The following MYT1 variants were observed in gnomAD, a reference collection of about 807,000 sequenced individuals.
MYT1 encodes the protein myelin transcription factor 1, also known as myelin transcription factor I.
Under a neutral mutation model 123.0 loss-of-function variants are expected in MYT1, and 23 were observed. The ratio of observed to expected loss-of-function variants is 0.19; its 90% confidence interval spans 0.13 to 0.26. The LOEUF is 0.26. Among genes scored for constraint, MYT1 ranks in the 10% least tolerant of loss-of-function variants. MYT1 has a pLI of 1.00. For synonymous variants in MYT1, 518 were observed against 575.3 expected (o/e 0.90, Z 1.43); for missense variants, 1,125 against 1,472.5 (o/e 0.76, Z 3.86).
intron 1 of MYT1, among the ~76,000 whole-genome samples, chr20:64,182,025 G>A (rs7266666): frequency 2.0e-4 from 31 of 152,308 alleles, no homozygotes; most frequent in South Asian, 6.2e-4. Context: ...GACTGGTTTC[G>A]TGTGGGCCTT....
intron 4 of MYT1, among the ~76,000 whole-genome samples, chr20:64,201,900 T>C (rs74181503): frequency 0.033 from 3,774 of 114,492 alleles, 127 homozygotes; most frequent in Middle Eastern, 0.082. Flanking sequence ...GGAACCCCCG[T>C]GTGTCGGGAA....
rs1367592949 is a variant in MYT1 at position 64,168,354 on chromosome 20, T to A, written c.-99+3615T>A. 6.6e-6 allele frequency among the ~76,000 whole-genome samples: 1 copy of A among 152,386 alleles called. No homozygotes were observed. The highest frequency in any genetic ancestry group is 1.9e-4 in the East Asian group (1 of 5,196). On this transcript the variant is annotated intron_variant, in intron 1 of 22. Coordinates refer to ENST00000328439, the MANE Select transcript of MYT1 (RefSeq NM_004535.3). This position sits in a 1 kb window ranked among gnomAD's most constrained non-coding sequence, Gnocchi z 6.1. ...TGGAGTCTTTTCTCCCCAGGGTTAA[T>A]GCCATTAGGAGCGTTCCTTGTGGGA...
intron 14 of MYT1, among the ~76,000 whole-genome samples, chr20:64,222,557 G>T (rs2145725848): frequency 6.6e-6 from 1 of 152,374 alleles, no homozygotes; most frequent in East Asian, 1.9e-4. Flanking sequence ...GTTGCTGATG[G>T]ATATGAATCA....
rs771248689 is a variant in MYT1 at position 64,186,674 on chromosome 20, C to G, written c.-98-3389C>G. ...TGTGTGAGCTTTGGGGACCCTTGTT[C>G]CCACCACAGAGTGTCCATGGAGCAG... On this transcript the variant is annotated intron_variant, in intron 1 of 22. Transcript: ENST00000328439. The surrounding 1 kb of genome is among the most constrained non-coding windows in gnomAD (Gnocchi z 4.3). Among the ~76,000 whole-genome samples the G allele has an allele frequency of 1.3e-5, 2 of 152,382 alleles. No individual in the cohort carries two copies. Among genetic ancestry groups the G allele is most frequent in the African/African-American group, 2.4e-5 (1 of 41,592 alleles).
intron 10 of MYT1, among the ~76,000 whole-genome samples, chr20:64,215,858 G>T (rs1273275719): frequency 1.3e-5 from 2 of 151,430 alleles, no homozygotes; most frequent in East Asian, 3.9e-4. Flanking sequence ...GCCTCCAAAA[G>T]TGCTTGGATT....
At chr20:64,238,989 C>G (rs1984634817) in intron 21 of MYT1, among the ~76,000 whole-genome samples, 1 of 152,214 alleles carries the variant, frequency 6.6e-6, no homozygotes, top group African/African-American at 2.4e-5. Context: ...AAGAAGCGTG[C>G]TTGACCCCAT....
chr20:64,170,866 TATATATATATATATATATAGAG>T (rs1982236490), intron 1 of MYT1, among the ~76,000 whole-genome samples: 1 of 57,126 alleles, frequency 1.8e-5, no homozygotes. Flanking sequence ...TATATATATA[TATATATATATATATATATAGAG>T]AGAGAGAGAG....
intron 19 of MYT1, among the ~76,000 whole-genome samples, chr20:64,233,908 T>C (rs1483205977): frequency 1.3e-5 from 2 of 152,092 alleles, no homozygotes; most frequent in Non-Finnish European, 2.9e-5. Flanking sequence ...GGTAGAAAGT[T>C]CTAAGCCAGG....
intron 6 of MYT1, 44 bp from the exon 7 acceptor site, chr20:64,207,550 C>T (rs1484015290): frequency 6.3e-7 from 1 of 1,581,332 alleles, no homozygotes; most frequent in Non-Finnish European, 8.6e-7. Flanking sequence ...CTGGAGTCTT[C>T]CCACGTGCTC....
At chr20:64,207,493 G>C in intron 6 of MYT1, 101 bp from the exon 7 acceptor site, 3 of 1,529,278 alleles carry the variant, frequency 2.0e-6, no homozygotes, top group Non-Finnish European at 2.6e-6. Flanking sequence ...TAAAGAGTGA[G>C]TGGTAGGTCA....
At chr20:64,236,044 A>C (rs1397942913) in intron 19 of MYT1, among the ~76,000 whole-genome samples, 38 of 30,702 alleles carry the variant, frequency 1.2e-3, no homozygotes, top group Middle Eastern at 0.045. Context: ...TGACCCTGGG[A>C]TGGTCGCGGT....
At chr20:64,171,031 T>C (rs1982262925) in intron 1 of MYT1, among the ~76,000 whole-genome samples, 1 of 150,520 alleles carries the variant, frequency 6.6e-6, no homozygotes, top group Non-Finnish European at 1.5e-5. Context: ...TGCCTCAGTC[T>C]CCCAAGTAGC....
At chr20:64,170,595 A>G (rs1486730335) in intron 1 of MYT1, among the ~76,000 whole-genome samples, 1 of 151,988 alleles carries the variant, frequency 6.6e-6, no homozygotes, top group Admixed American at 6.6e-5. Flanking sequence ...TTTGAGATCA[A>G]GTCCGCCTAG....
intron 4 of MYT1, among the ~76,000 whole-genome samples, chr20:64,201,711 T>G (rs1237404132): frequency 6.6e-6 from 1 of 152,216 alleles, no homozygotes; most frequent in African/African-American, 2.4e-5. Context: ...CAGCACACGC[T>G]GGGCTCTGAC....
intron 4 of MYT1, among the ~76,000 whole-genome samples, chr20:64,201,949 TGCGTGTCGGGAACCCCC>T (rs1470834092): frequency 6.7e-3 from 204 of 30,528 alleles, no homozygotes; most frequent in African/African-American, 0.017. Flanking sequence ...CGGGAACCTC[TGCGTGTCGGGAACCCCC>T]GCGTGTCGGG....
chr20:64,181,403 G>A (rs949613534), intron 1 of MYT1, among the ~76,000 whole-genome samples: 14 of 151,904 alleles, frequency 9.2e-5, no homozygotes, highest in East Asian at 1.9e-4. Flanking sequence ...CTATCTCTTC[G>A]TCCTTTTGTT....
rs1205514576 is a variant in MYT1, at chr20:64,207,256, T to C, written c.398-338T>C. Among the ~76,000 whole-genome samples, 3 of 152,238 alleles carry C rather than the reference T, an allele frequency of 2.0e-5. No homozygotes were observed. In the East Asian group the frequency reaches 5.8e-4, roughly 29 times the overall value. ...AATCTGACTTGCTGCTTAAGCTCCA[T>C]TGTATACAATGCAGGTTTATCTGAT... On this transcript the variant is annotated intron_variant, in intron 6 of 22. Coordinates refer to ENST00000328439, the MANE Select transcript of MYT1 (RefSeq NM_004535.3).
Position 64,186,531 on chromosome 20 carries a change from G to A in MYT1, c.-98-3532G>A, listed in dbSNP as rs909399760. On this transcript the variant is annotated intron_variant, in intron 1 of 22. Transcript: ENST00000328439. The surrounding 1 kb of genome is among the most constrained non-coding windows in gnomAD (Gnocchi z 4.3). ...CCTCATGGGTTCACTTCCAGGCTCC[G>A]TCCACACATGTCTCTCCATCTCCAA... Among the ~76,000 whole-genome samples the A allele has an allele frequency of 2.6e-5, 4 of 152,198 alleles. No individual in the cohort carries two copies. Among genetic ancestry groups the A allele is most frequent in the African/African-American group, 4.8e-5 (2 of 41,464 alleles).
intron 1 of MYT1, among the ~76,000 whole-genome samples, chr20:64,180,117 C>T (rs1982605245): frequency 6.6e-6 from 1 of 151,730 alleles, no homozygotes; most frequent in Non-Finnish European, 1.5e-5. Context: ...ACACACGCTA[C>T]ACACAGTTAT....
Sources: allele counts gnomAD v4.1 joint callset (sites outside exome capture counted in the v4.1 genomes callset), GRCh38; gene constraint gnomAD v4.1.1; non-coding constraint Gnocchi (gnomAD v3.1); transcripts MANE v1.5; gene names NCBI Gene and HGNC (gene_info 2026-07-23, HGNC 2026-07-21).